Variants in VAPB observed in about 807,000 individuals in gnomAD.
VAPB encodes vesicle-associated membrane protein-associated protein B/C.
Under a neutral mutation model 25.6 loss-of-function variants are expected in VAPB, and 7 were observed. The observed-to-expected ratio is 0.27, with a 90% CI of 0.16 to 0.51. The LOEUF is 0.51. Ranked by LOEUF, VAPB falls within the 20% of genes least tolerant of loss-of-function variation. The pLI is 0.97. For synonymous variants in VAPB, 112 were observed against 109.2 expected (o/e 1.03, Z -0.16); for missense variants, 266 against 301.3 (o/e 0.88, Z 0.87).
At chr20:58,416,513 G>A (rs1422095051) in intron 1 of VAPB, among the ~76,000 whole-genome samples, 3 of 90,548 alleles carry the variant, frequency 3.3e-5, no homozygotes, top group Non-Finnish European at 4.9e-5. Context: ...TCAGCGAGGA[G>A]CAGTTTTCTG....
intron 1 of VAPB, among the ~76,000 whole-genome samples, chr20:58,392,161 G>A (rs1012040291): frequency 6.6e-6 from 1 of 152,178 alleles, no homozygotes; most frequent in Admixed American, 6.5e-5. Flanking sequence ...GTGGTTATTC[G>A]GTCAATGGGG....
intron 2 of VAPB, among the ~76,000 whole-genome samples, chr20:58,429,051 T>C (rs1988869777): frequency 6.6e-6 from 1 of 152,168 alleles, no homozygotes. Context: ...GGGCCTGAGC[T>C]GAGATTGTAG....
chr20:58,434,613 C>G lies in VAPB; in HGVS notation c.223C>G (p.Pro75Ala). 2 of 1,555,866 alleles carry G rather than the reference C, an allele frequency of 1.3e-6. No homozygotes were observed. The highest frequency in any genetic ancestry group is 1.8e-6 in the Non-Finnish European group (2 of 1,127,578). Residue 75 changes from proline to alanine, a missense_variant, in exon 3 of 6, where the codon CCT (proline) becomes GCT (alanine). Physicochemically the swap from Pro to Ala is conservative, Grantham distance 27. Transcript: ENST00000475243. ...ASINVSVMLQ[P>A]FDYDPNEKSK... is the part of the protein sequence containing the mutation. Reference sequence around the variant, plus strand: ...ATTTTCTTTCTCAGTGATGTTACAGCCTTTCGATTATGATCCCAATGAGAA... The same window carrying G: ...ATTTTCTTTCTCAGTGATGTTACAGGCTTTCGATTATGATCCCAATGAGAA...
rs1989331958 is a variant in VAPB at position 58,447,784 on chromosome 20, C to A, written c.*3549C>A. On this transcript the variant is annotated 3_prime_UTR_variant, in exon 6 of 6. Transcript: ENST00000475243. ...TGTGTTTGCAAACTCAGAATCCATG[C>A]CAAAATACAATGTTATATGTCATTT... 7 of 453,820 alleles carry A rather than the reference C, an allele frequency of 1.5e-5. No homozygotes were observed. 28.1% of individuals were successfully genotyped at this position (453,820 alleles called of 1,614,324 possible). A position where few individuals can be genotyped will look rare whatever the true frequency, so the allele number is the denominator to read the frequency against.
intron 2 of VAPB, among the ~76,000 whole-genome samples, chr20:58,419,768 G>A (rs1427721345): frequency 6.6e-6 from 1 of 152,096 alleles, no homozygotes; most frequent in Non-Finnish European, 1.5e-5. Context: ...GAAATCTTTT[G>A]TTCCCCTCTT....
chr20:58,398,815 C>A (rs551797159), intron 1 of VAPB, among the ~76,000 whole-genome samples: 1 of 150,532 alleles, frequency 6.6e-6, no homozygotes, highest in East Asian at 1.9e-4. Flanking sequence ...AGGGTTGGAG[C>A]TGGGATTTGA....
rs1218199617 is a variant in VAPB, at chr20:58,418,227, T to A, written c.75T>A (p.Val25=). 1 of 1,614,040 alleles carries A rather than the reference T, an allele frequency of 6.2e-7. No homozygotes were observed. The highest frequency in any genetic ancestry group is 1.3e-5 in the African/African-American group (1 of 74,912). The change falls in exon 2 of 6, where the codon GTT becomes GTA. Residue 25 remains valine (V), a synonymous_variant. Coordinates refer to ENST00000475243, the MANE Select transcript of VAPB (RefSeq NM_004738.5). ...ELKFRGPFTD[V]VTTNLKLGNP... is the part of the protein sequence containing the mutation. ...ATTCTACAGGTCCCTTCACCGATGT[T>A]GTCACCACCAACCTAAAGCTTGGCA...
At position 58,393,793 on chromosome 20, in the gene VAPB, C is replaced by T. The variant is rs758112595; in HGVS notation, c.58+4276C>T. Among the ~76,000 whole-genome samples, 2 of 152,084 alleles carry T rather than the reference C, an allele frequency of 1.3e-5. 1 individual carries two copies. The highest frequency in any genetic ancestry group is 1.3e-4 in the Admixed American group (2 of 15,264). ...TGTTGCTCAGGCTGGAGTGCAATGG[C>T]GCGATCTTGGCTCACCGCAACCTCC... is the stretch of plus-strand genomic sequence containing the variant. On this transcript the variant is annotated intron_variant, in intron 1 of 5. Transcript: ENST00000475243.
At chr20:58,409,641 GC>G (rs1988323650) in intron 1 of VAPB, among the ~76,000 whole-genome samples, 1 of 152,064 alleles carries the variant, frequency 6.6e-6, no homozygotes, top group African/African-American at 2.4e-5. Flanking sequence ...AAATAATATA[GC>G]TTTTTTTATG....
At chr20:58,434,533 A>C in intron 2 of VAPB, 69 bp from the exon 3 acceptor site, 1 of 814,056 alleles carries the variant, frequency 1.2e-6, no homozygotes, top group Non-Finnish European at 2.2e-6. Flanking sequence ...CCAAAGTACA[A>C]GTATTAGCAT....
intron 3 of VAPB, among the ~76,000 whole-genome samples, chr20:58,437,054 C>T (rs1374939546): frequency 8.3e-6 from 1 of 120,114 alleles, no homozygotes; most frequent in East Asian, 2.7e-4. Flanking sequence ...GGCTGAAGTG[C>T]AGTGGTGCAG....
chr20:58,443,836 G>A (rs970830478), intron 5 of VAPB, among the ~76,000 whole-genome samples: 1 of 152,108 alleles, frequency 6.6e-6, no homozygotes, highest in Non-Finnish European at 1.5e-5. Context: ...CTGTTTAGAT[G>A]TCTGTTGTAA....
intron 4 of VAPB, chr20:58,439,609 TGG>T (rs1989119057): frequency 6.3e-6 from 1 of 158,224 alleles, no homozygotes; most frequent in African/African-American, 2.4e-5. Flanking sequence ...CTCTTGATAC[TGG>T]TAGTACTTCC....
intron 2 of VAPB, among the ~76,000 whole-genome samples, chr20:58,426,910 T>A (rs1301780689): frequency 6.6e-6 from 1 of 152,258 alleles, no homozygotes; most frequent in Non-Finnish European, 1.5e-5. Context: ...GCTGTAGTAC[T>A]TGTTAGACTT....
Position 58,447,922 on chromosome 20 carries a change from T to A in VAPB, c.*3687T>A, listed in dbSNP as rs987632965. 6.6e-6 allele frequency: 3 copies of A among 453,788 alleles called. No individual in the cohort carries two copies. Among genetic ancestry groups the A allele is most frequent in the African/African-American group, 6.0e-5 (3 of 49,914 alleles). The allele number at this position is 453,788 out of a possible 1,614,324, so 28.1% of individuals were successfully genotyped here. On this transcript the variant is annotated 3_prime_UTR_variant, in exon 6 of 6. Coordinates refer to ENST00000475243, the MANE Select transcript of VAPB (RefSeq NM_004738.5). ...TGTCACTTTGAACACCTGAATAACA[T>A]TTAACTCCTGAGACCTTCTCGGTGT...
At chr20:58,397,739 T>A (rs1307536864) in intron 1 of VAPB, among the ~76,000 whole-genome samples, 1 of 152,190 alleles carries the variant, frequency 6.6e-6, no homozygotes, top group East Asian at 1.9e-4. Flanking sequence ...TAAGTGTTGC[T>A]ACAAAACCTT....
chr20:58,442,884 G>A (rs1173772660), intron 5 of VAPB, among the ~76,000 whole-genome samples: 1 of 152,196 alleles, frequency 6.6e-6, no homozygotes, highest in African/African-American at 2.4e-5. Context: ...CGAATGGAAG[G>A]AAACGAAGAA....
At position 58,446,717 on chromosome 20, in the gene VAPB, C is replaced by T. The variant is rs1279469806; in HGVS notation, c.*2482C>T. 2 of 453,806 alleles carry T rather than the reference C, an allele frequency of 4.4e-6. No individual in the cohort carries two copies. Among genetic ancestry groups the T allele is most frequent in the Non-Finnish European group, 8.8e-6 (2 of 226,776 alleles). The allele number at this position is 453,806 out of a possible 1,614,324, so 28.1% of individuals were successfully genotyped here. On this transcript the variant is annotated 3_prime_UTR_variant, in exon 6 of 6. Transcript: ENST00000475243. The stretch of plus-strand genomic sequence containing the variant: ...AGGACTTGGTGAACATGTTTGTGGG[C>T]CTTTTGACTGAGTGGCAGAAGGAAA...
rs1432018354 is a variant in VAPB at position 58,418,251 on chromosome 20, C to T, written c.99C>T (p.Gly33=). The T allele has an allele frequency of 1.2e-6, 2 of 1,614,152 alleles. No individual in the cohort carries two copies. Among genetic ancestry groups the T allele is most frequent in the Admixed American group, 3.3e-5 (2 of 60,020 alleles). The change falls in exon 2 of 6, where the codon GGC becomes GGT. Residue 33 remains glycine (G), a synonymous_variant. Coordinates refer to ENST00000475243, the MANE Select transcript of VAPB (RefSeq NM_004738.5). ...TDVVTTNLKL[G]NPTDRNVCFK... ...TTGTCACCACCAACCTAAAGCTTGG[C>T]AACCCGACAGACCGAAATGTGTGTT...
Sources: gnomAD v4.1 joint callset for allele counts (sites outside exome capture counted in the v4.1 genomes callset) on GRCh38, gnomAD v4.1.1 for gene constraint, MANE v1.5 for transcripts, NCBI Gene and HGNC (gene_info 2026-07-23, HGNC 2026-07-21) for gene names.